SLC22A13: variants seen among roughly 807,000 people sequenced by gnomAD.
SLC22A13 encodes organic anion transporter 10.
SLC22A13 carries 42 observed loss-of-function variants against 49.1 expected under a neutral mutation model. The observed-to-expected ratio is 0.85, with a 90% CI of 0.67 to 1.11. SLC22A13 has a LOEUF of 1.11. Ranked by LOEUF, SLC22A13 falls within the 50% of genes least tolerant of loss-of-function variation. SLC22A13 has a pLI of 0.00. For synonymous variants in SLC22A13, 282 were observed against 293.1 expected (o/e 0.96, Z 0.39); for missense variants, 694 against 712.8 (o/e 0.97, Z 0.30).
chr3:38,267,165 G>GAAAAAGTAT (rs1454328503), intron 1 of SLC22A13, among the ~76,000 whole-genome samples: 1 of 152,192 alleles, frequency 6.6e-6, no homozygotes, highest in East Asian at 1.9e-4. Context: ...CCCCATGGCT[G>GAAAAAGTAT]AAAAAGTATT....
At chr3:38,274,782 T>C in intron 3 of SLC22A13, 24 bp downstream of exon 3, 1 of 1,606,490 alleles carries the variant, frequency 6.2e-7, no homozygotes, top group South Asian at 1.1e-5. Context: ...CCCTGGAGCC[T>C]TCAGCCATAG....
At chr3:38,270,108 A>G (rs1703504769) in intron 1 of SLC22A13, among the ~76,000 whole-genome samples, 1 of 152,002 alleles carries the variant, frequency 6.6e-6, no homozygotes, top group Non-Finnish European at 1.5e-5. Context: ...TTCTTAATCC[A>G]GTCTATCATT....
rs750974741 is a variant in SLC22A13, at chr3:38,277,099, C to T, written c.1534C>T (p.Gln512Ter). Residue 512 changes from glutamine to a stop codon, truncating the protein, a stop_gained, in exon 9 of 10, where the codon CAG (glutamine) becomes TAG (stop). Transcript: ENST00000311856. LOFTEE classifies it low-confidence loss of function (END_TRUNC). ...TGGCCAGGGCCTGAAAGACACCCTC[C>T]AGGACCTGGAGCTGGGGCCTCACCC... Reference protein sequence around the residue: ...THGQGLKDTLQDLELGPHPRS... With the variant: ...THGQGLKDTL 6.4e-7 allele frequency: 1 copy of T among 1,571,558 alleles called. No homozygotes were observed. Among genetic ancestry groups the T allele is most frequent in the South Asian group, 1.2e-5 (1 of 86,064 alleles).
chr3:38,277,054 A>G lies in SLC22A13; in HGVS notation c.1489A>G (p.Thr497Ala). 1.3e-6 allele frequency: 2 copies of G among 1,593,596 alleles called. No homozygotes were observed. Among genetic ancestry groups the G allele is most frequent in the Non-Finnish European group, 1.7e-6 (2 of 1,170,138 alleles). ...CCCCATCGTGGCCGGCCTGCTGTGC[A>G]CCCTGCTGCCAGAGACGCATGGCCA... ...SLPIVAGLLCTLLPETHGQGL... is the reference protein window; with the variant it reads ...SLPIVAGLLCALLPETHGQGL... The change falls in exon 9 of 10, where the codon ACC (threonine) becomes GCC (alanine). Residue 497 changes from threonine (T) to alanine (A), a missense_variant. Coordinates refer to ENST00000311856, the MANE Select transcript of SLC22A13 (RefSeq NM_004256.4).
intron 1 of SLC22A13, among the ~76,000 whole-genome samples, chr3:38,269,504 C>T (rs567165679): frequency 4.6e-5 from 7 of 152,108 alleles, no homozygotes; most frequent in South Asian, 2.1e-4. Flanking sequence ...GTGATCCACC[C>T]GCCTCAGCCT....
chr3:38,277,612 C>T lies in SLC22A13; in HGVS notation c.*147C>T, dbSNP rs1284678540. On this transcript the variant is annotated 3_prime_UTR_variant, in exon 10 of 10. Coordinates refer to ENST00000311856, the MANE Select transcript of SLC22A13 (RefSeq NM_004256.4). ...CAATCTGGCCCATGGCTGTCACCTC[C>T]TGCCGAGTCCAATCCCAGACTGGGA... 6.9e-6 allele frequency: 4 copies of T among 578,706 alleles called. No individual in the cohort carries two copies. The highest frequency in any genetic ancestry group is 5.9e-5 in the East Asian group (2 of 33,682). The allele number at this position is 578,706 out of a possible 1,614,324, so 35.8% of individuals were successfully genotyped here.
At chr3:38,276,783 C>T (rs1240578606) in intron 8 of SLC22A13, 129 bp from the exon 9 acceptor site, 4 of 770,066 alleles carry the variant, frequency 5.2e-6, no homozygotes, top group Non-Finnish European at 8.4e-6. Flanking sequence ...GGAACGCTGG[C>T]TGGGCTGGGT....
In SLC22A13 at chr3:38,276,016, GGTT is replaced by G. The variant is rs779846118; in HGVS notation, c.1158_1160del (p.Arg386_Phe387delinsSer). The G allele has an allele frequency of 1.4e-4, 219 of 1,614,092 alleles. No individual in the cohort carries two copies. Among genetic ancestry groups the G allele is most frequent in the Non-Finnish European group, 1.8e-4 (209 of 1,180,034 alleles). On this transcript the variant is annotated inframe_deletion, in exon 7 of 10. Transcript: ENST00000311856. ...TGTTCCAGCATCTTCATGATGCAGA[GGTT>G]TGGCCGCAAGTGGAGCCAGTTGGGG...
intron 4 of SLC22A13, 64 bp downstream of exon 4, chr3:38,275,221 T>A: frequency 1.9e-6 from 3 of 1,596,300 alleles, no homozygotes; most frequent in Non-Finnish European, 2.6e-6. Flanking sequence ...GGGGTTGCAG[T>A]GCAGCACCCA....
chr3:38,266,366 G>A (rs1363782623), intron 1 of SLC22A13, 128 bp downstream of exon 1: 1 of 1,103,888 alleles, frequency 9.1e-7, no homozygotes, highest in East Asian at 2.4e-5. Context: ...GGGCACATAT[G>A]TTTTTCATTT....
intron 9 of SLC22A13, 49 bp from the exon 10 acceptor site, chr3:38,277,323 C>A: frequency 2.1e-6 from 3 of 1,434,480 alleles, no homozygotes; most frequent in Admixed American, 1.7e-5. Flanking sequence ...AGGACACTGT[C>A]ATGGGACCAA....
At chr3:38,275,817 C>A in intron 6 of SLC22A13, 65 bp from the exon 7 acceptor site, 1 of 1,534,400 alleles carries the variant, frequency 6.5e-7, no homozygotes, top group Non-Finnish European at 9.0e-7. Flanking sequence ...CTGACCAAGG[C>A]AGGCTCTCCC....
In SLC22A13 at chr3:38,275,033, C is replaced by T. The variant is rs1030382294; in HGVS notation, c.682C>T (p.Leu228=). 9.9e-6 allele frequency: 16 copies of T among 1,614,132 alleles called. No individual in the cohort carries two copies. The African/African-American group carries it at 1.7e-4, about 17-fold the overall frequency. The change falls in exon 4 of 10, where the codon CTG becomes TTG. Residue 228 remains leucine (L), a synonymous_variant. Coordinates refer to ENST00000311856, the MANE Select transcript of SLC22A13 (RefSeq NM_004256.4). ...CTCATGGAGGACGCAGGCCGTGGTC[C>T]TGGCCCAGTGCAACTTCTCCCTCGG... ...GPSWRTQAVV[L]AQCNFSLGQM... is the part of the protein sequence containing the mutation.
rs1450669485 is a variant in SLC22A13, at chr3:38,276,965, C to T, written c.1400C>T (p.Thr467Ile). The change falls in exon 9 of 10, where the codon ACA (threonine) becomes ATA (isoleucine). Residue 467 changes from threonine (T) to isoleucine (I), a missense_variant. Coordinates refer to ENST00000311856, the MANE Select transcript of SLC22A13 (RefSeq NM_004256.4). ...TTCTCACGGATCGGGGGCATCCTCA[C>T]ACCACTTGTGATCCTGCTGGGAGAG... is the stretch of plus-strand genomic sequence containing the variant. ...GIFSRIGGIL[T>I]PLVILLGEYH... 6.2e-7 allele frequency: 1 copy of T among 1,613,870 alleles called. No homozygotes were observed. Among genetic ancestry groups the T allele is most frequent in the Non-Finnish European group, 8.5e-7 (1 of 1,179,962 alleles).
intron 1 of SLC22A13, among the ~76,000 whole-genome samples, chr3:38,268,939 G>A (rs534708795): frequency 3.6e-4 from 55 of 151,906 alleles, no homozygotes; most frequent in African/African-American, 1.3e-3. Flanking sequence ...ACAAACACCC[G>A]CAAAACAAAC....
rs151201297 is a variant in SLC22A13, at chr3:38,275,057, G to T, written c.706G>T (p.Gly236Trp). The change falls in exon 4 of 10, where the codon GGG becomes TGG. Residue 236 changes from glycine to tryptophan, a missense_variant. Coordinates refer to ENST00000311856, the MANE Select transcript of SLC22A13 (RefSeq NM_004256.4). ...VVLAQCNFSL[G>W]QMVLAGLAYG... ...CCTGGCCCAGTGCAACTTCTCCCTC[G>T]GGCAGATGGTGCTTGCGGGACTCGC... 3.2e-4 allele frequency: 516 copies of T among 1,614,220 alleles called. 6 individuals are homozygous for T. Among genetic ancestry groups the T allele is most frequent in the South Asian group, 9.6e-4 (87 of 91,086 alleles).
intron 1 of SLC22A13, among the ~76,000 whole-genome samples, chr3:38,267,440 A>G (rs1454676484): frequency 1.3e-5 from 2 of 151,704 alleles, no homozygotes; most frequent in Admixed American, 6.6e-5. Flanking sequence ...CATCACATCC[A>G]TGGCTGGTGC....
intron 9 of SLC22A13, 100 bp downstream of exon 9, chr3:38,277,227 T>C: frequency 8.8e-7 from 1 of 1,130,756 alleles, no homozygotes; most frequent in African/African-American, 1.5e-5. Flanking sequence ...CACTGTTGCC[T>C]AGAGGCTAAT....
rs1330739362 is a variant in SLC22A13, at chr3:38,276,949, A to G, written c.1384A>G (p.Ile462Val). Reference protein sequence around the residue: ...GMGLVGIFSRIGGILTPLVIL... With the variant: ...GMGLVGIFSRVGGILTPLVIL... Reference sequence around the variant, plus strand: ...GGGGCTGGTGGGCATCTTCTCACGGATCGGGGGCATCCTCACACCACTTGT... The same window carrying G: ...GGGGCTGGTGGGCATCTTCTCACGGGTCGGGGGCATCCTCACACCACTTGT... Residue 462 changes from isoleucine to valine, a missense_variant, in exon 9 of 10, where the codon ATC becomes GTC. Transcript: ENST00000311856. 1.2e-6 allele frequency: 2 copies of G among 1,613,804 alleles called. No homozygotes were observed. The highest frequency in any genetic ancestry group is 8.5e-7 in the Non-Finnish European group (1 of 1,179,940).
Sources: allele counts gnomAD v4.1 joint callset (sites outside exome capture counted in the v4.1 genomes callset), GRCh38; gene constraint gnomAD v4.1.1; transcripts MANE v1.5; gene names NCBI Gene and HGNC (gene_info 2026-07-23, HGNC 2026-07-21).